Variants in KCTD16 observed in about 807,000 individuals in gnomAD.
KCTD16 encodes potassium channel tetramerization domain containing 16.
In KCTD16, 13 loss-of-function variants were observed where a neutral mutation model predicts 33.2. That is an observed-to-expected ratio of 0.39 (90% CI 0.25 to 0.62). The LOEUF (loss-of-function observed/expected upper bound fraction) is 0.62. KCTD16 is among the 20% of genes least tolerant of loss of function. The probability of loss-of-function intolerance (pLI) is 0.50; values close to 1 mark genes in which losing one functional copy is unlikely to be tolerated. For synonymous variants in KCTD16, 197 were observed against 195.3 expected (o/e 1.01, Z -0.07); for missense variants, 441 against 525.1 (o/e 0.84, Z 1.57).
At chr5:144,225,226 T>A (rs1753894093) in intron 3 of KCTD16, among the ~76,000 whole-genome samples, 1 of 152,112 alleles carries the variant, frequency 6.6e-6, no homozygotes. Flanking sequence ...TTAACATGGC[T>A]GATTTTTTTT....
intron 3 of KCTD16, among the ~76,000 whole-genome samples, chr5:144,304,811 G>T (rs919832208): frequency 6.6e-6 from 1 of 152,008 alleles, no homozygotes; most frequent in East Asian, 1.9e-4. Context: ...TGCACTGCAG[G>T]TCTGTCACTG....
intron 2 of KCTD16, among the ~76,000 whole-genome samples, chr5:144,176,443 C>T (rs1286189090): frequency 2.1e-5 from 3 of 142,628 alleles, no homozygotes; most frequent in Admixed American, 7.3e-5. Context: ...TCGCCCAGGC[C>T]GGACTGCGGA....
chr5:144,281,424 C>T (rs182592966), intron 3 of KCTD16, among the ~76,000 whole-genome samples: 46 of 152,096 alleles, frequency 3.0e-4, no homozygotes, highest in Non-Finnish European at 5.4e-4. Context: ...ATATTTTCTA[C>T]CTTTCTTCCA....
At chr5:144,441,686 A>G (rs1177977901) in intron 3 of KCTD16, among the ~76,000 whole-genome samples, 1 of 151,616 alleles carries the variant, frequency 6.6e-6, no homozygotes, top group Non-Finnish European at 1.5e-5. Flanking sequence ...TTATATGTCT[A>G]TCCTTATGTA....
chr5:144,284,902 G>C (rs1176404738), intron 3 of KCTD16, among the ~76,000 whole-genome samples: 2 of 152,150 alleles, frequency 1.3e-5, no homozygotes, highest in Non-Finnish European at 2.9e-5. Context: ...TCAGGATTCA[G>C]AGTCGAGGGT....
intron 3 of KCTD16, among the ~76,000 whole-genome samples, chr5:144,323,952 C>G (rs960963): frequency 0.22 from 33,260 of 152,082 alleles, 4,031 homozygotes; most frequent in Non-Finnish European, 0.28. Context: ...TACAAGGACT[C>G]ACTACTATTG....
intron 3 of KCTD16, among the ~76,000 whole-genome samples, chr5:144,367,452 A>G (rs1751862691): frequency 6.6e-6 from 1 of 152,076 alleles, no homozygotes; most frequent in South Asian, 2.1e-4. Flanking sequence ...TTTTCTTTTT[A>G]ACTTATATTT....
intron 3 of KCTD16, among the ~76,000 whole-genome samples, chr5:144,273,238 A>G (rs1755349739): frequency 6.6e-6 from 1 of 152,196 alleles, no homozygotes; most frequent in Admixed American, 6.5e-5. Context: ...CCTAATCACT[A>G]GGGAAATACA....
chr5:144,333,113 T>A (rs1752399548), intron 3 of KCTD16, among the ~76,000 whole-genome samples: 1 of 152,164 alleles, frequency 6.6e-6, no homozygotes, highest in Non-Finnish European at 1.5e-5. Context: ...CCAAACCATA[T>A]CATCTTACTA....
At chr5:144,358,438 A>T (rs978581258) in intron 3 of KCTD16, among the ~76,000 whole-genome samples, 1 of 152,188 alleles carries the variant, frequency 6.6e-6, no homozygotes, top group Admixed American at 6.6e-5. Context: ...TAATGTGCTT[A>T]TATTTATTGA....
intron 3 of KCTD16, among the ~76,000 whole-genome samples, chr5:144,278,265 G>A (rs1405858401): frequency 6.6e-6 from 1 of 151,786 alleles, no homozygotes; most frequent in Non-Finnish European, 1.5e-5. Flanking sequence ...TGTTGAAAAG[G>A]CTATTTCTTC....
intron 2 of KCTD16, among the ~76,000 whole-genome samples, chr5:144,178,423 A>AGGT (rs1752549136): frequency 6.6e-6 from 1 of 152,114 alleles, no homozygotes; most frequent in Admixed American, 6.5e-5. Context: ...TCTTTAAATG[A>AGGT]GGTTTATTTT....
chr5:144,233,447 G>A (rs944062772), intron 3 of KCTD16, among the ~76,000 whole-genome samples: 1 of 152,034 alleles, frequency 6.6e-6, no homozygotes, highest in Non-Finnish European at 1.5e-5. Context: ...AACTGCCGGA[G>A]CTTTCTTCCT....
At chr5:144,231,198 C>T (rs939277159) in intron 3 of KCTD16, among the ~76,000 whole-genome samples, 6 of 152,002 alleles carry the variant, frequency 3.9e-5, no homozygotes, top group Admixed American at 6.6e-5. Flanking sequence ...TTTGTGATAT[C>T]TAATTGTAAG....
chr5:144,370,964 C>G (rs771878004), intron 3 of KCTD16, among the ~76,000 whole-genome samples: 2 of 151,982 alleles, frequency 1.3e-5, no homozygotes, highest in Non-Finnish European at 2.9e-5. Flanking sequence ...TACTTTTGCA[C>G]CAACCTATAA....
intron 3 of KCTD16, among the ~76,000 whole-genome samples, chr5:144,324,989 G>A (rs1220710957): frequency 6.6e-6 from 1 of 152,194 alleles, no homozygotes; most frequent in East Asian, 1.9e-4. Flanking sequence ...TAATACCTAA[G>A]TGATGGGTTG....
At chr5:144,299,122 A>ATCAC (rs1441594848) in intron 3 of KCTD16, among the ~76,000 whole-genome samples, 2 of 21,918 alleles carry the variant, frequency 9.1e-5, no homozygotes, top group Non-Finnish European at 1.6e-4. Flanking sequence ...ATATATATAT[A>ATCAC]TATATATATA....
At chr5:144,205,002 G>C (rs925853758) in intron 2 of KCTD16, among the ~76,000 whole-genome samples, 18 of 151,986 alleles carry the variant, frequency 1.2e-4, no homozygotes, top group Admixed American at 1.0e-3. Flanking sequence ...GAGGAGGGGG[G>C]AGGGGGGAAG....
intron 3 of KCTD16, among the ~76,000 whole-genome samples, chr5:144,420,512 A>ATG (rs145586447): frequency 0.012 from 1,870 of 149,810 alleles, 23 homozygotes; most frequent in African/African-American, 0.034. Context: ...ACTTATTTAA[A>ATG]TGTGTGTGTG....
Sources: allele counts gnomAD v4.1 joint callset (sites outside exome capture counted in the v4.1 genomes callset), GRCh38; gene constraint gnomAD v4.1.1; transcripts MANE v1.5; gene names NCBI Gene and HGNC (gene_info 2026-07-23, HGNC 2026-07-21).